The following C1QTNF9B variants were observed in gnomAD, a reference collection of about 807,000 sequenced individuals.
The protein encoded by C1QTNF9B is C1q and TNF related 9B, also known as complement C1q and tumor necrosis factor-related protein 9B.
C1QTNF9B carries 9 observed loss-of-function variants against 10.1 expected under a neutral mutation model. That is an observed-to-expected ratio of 0.89 (90% confidence interval 0.53 to 1.55). The LOEUF (loss-of-function observed/expected upper bound fraction) is 1.55. Ranked by LOEUF, C1QTNF9B falls within the 40% of genes most tolerant of loss-of-function variation. The pLI is 0.00. For missense variants in C1QTNF9B, 196 were observed against 414.4 expected (o/e 0.47, Z 4.58); for synonymous variants, 79 against 159.9 (o/e 0.49, Z 3.82).
At chr13:23,891,941 T>G in exon 3 of C1QTNF9B, 1 of 1,614,004 alleles carries the variant, frequency 6.2e-7, no homozygotes, top group South Asian at 1.1e-5. Context: ...AGGCCCAGTC[T>G]CTCCTCGGAG....
chr13:23,896,843 C>T (rs540615539), exon 1 of C1QTNF9B: 85 of 1,613,078 alleles, frequency 5.3e-5, no homozygotes, highest in Admixed American at 4.2e-4. Flanking sequence ...TGTCACCCTT[C>T]GCTCCGTCTC....
chr13:23,892,583 A>G (rs544570730), intron 2 of C1QTNF9B, among the ~76,000 whole-genome samples: 1 of 152,300 alleles, frequency 6.6e-6, no homozygotes, highest in South Asian at 2.1e-4. Flanking sequence ...TGAGCCCAGG[A>G]GGCTGAGGCT....
chr13:23,896,227 T>G (rs563419963), intron 1 of C1QTNF9B, among the ~76,000 whole-genome samples: 2 of 152,290 alleles, frequency 1.3e-5, no homozygotes, highest in African/African-American at 4.8e-5. Flanking sequence ...TTGGTTGTTG[T>G]TATGGAAAGC....
chr13:23,895,412 G>C (rs1010480390), intron 1 of C1QTNF9B, among the ~76,000 whole-genome samples: 5 of 152,058 alleles, frequency 3.3e-5, no homozygotes, highest in African/African-American at 1.2e-4. Context: ...AAGATGGTAA[G>C]ATAAAAATGA....
At chr13:23,897,360 A>C, upstream of C1QTNF9B, 1 of 312,694 alleles carries the variant, frequency 3.2e-6, no homozygotes, top group Non-Finnish European at 5.9e-6. Flanking sequence ...TAAAAATCAA[A>C]TTTTATCACA....
At chr13:23,897,361 T>C, upstream of C1QTNF9B, 1 of 310,750 alleles carries the variant, frequency 3.2e-6, no homozygotes, top group Non-Finnish European at 5.9e-6. Context: ...AAAAATCAAA[T>C]TTTATCACAA....
intron 1 of C1QTNF9B, among the ~76,000 whole-genome samples, chr13:23,896,383 A>G (rs886902697): frequency 1.3e-4 from 20 of 152,206 alleles, no homozygotes; most frequent in African/African-American, 4.3e-4. Context: ...ATGACATGAT[A>G]TGGTATTAGC....
At chr13:23,896,997 A>G in exon 1 of C1QTNF9B, 1 of 1,613,870 alleles carries the variant, frequency 6.2e-7, no homozygotes, top group Non-Finnish European at 8.5e-7. Flanking sequence ...GGTTCAGATG[A>G]CAGACTGAAC....
chr13:23,894,049 A>G, intron 2 of C1QTNF9B, 90 bp downstream of exon 4: 1 of 1,396,500 alleles, frequency 7.2e-7, no homozygotes, highest in Non-Finnish European at 1.0e-6. Flanking sequence ...TTATTATAAG[A>G]TTATAATCAG....
chr13:23,891,378 C>G lies in C1QTNF9B; in HGVS notation c.913G>C (p.Val305Leu), dbSNP rs147263585. Residue 305 changes from valine (V) to leucine (L), a missense_variant, in exon 3 of 3, where the codon GTG (valine) becomes CTG (leucine). Physicochemically the swap from Val to Leu is conservative, Grantham distance 32 (BLOSUM62 1). Coordinates refer to ENST00000382137, the Ensembl canonical transcript of C1QTNF9B. ...CCATTGAACCTCTCTCCTCCTGTCA[C>G]CTGCAGCCACATCTCATCCCCGAGC... 1.9e-6 allele frequency: 3 copies of G among 1,581,306 alleles called. No individual in the cohort carries two copies. In the Admixed American group the frequency reaches 5.1e-5, roughly 27 times the overall value.
Position 23,896,908 on chromosome 13 carries a change from G to A in C1QTNF9B, c.79C>T (p.His27Tyr), listed in dbSNP as rs757760264. The change falls in exon 1 of 3, where the codon CAC becomes TAC. Residue 27 changes from histidine to tyrosine, a missense_variant. Transcript: ENST00000382137. ...CCGGGGTTCCCAGGGATTCCAGGGT[G>A]CCCTTGCCTGCAGGTGTCCTGTGAG... 1.4e-5 allele frequency: 22 copies of A among 1,613,942 alleles called. No homozygotes were observed. In the African/African-American group the frequency reaches 1.9e-4, roughly 14 times the overall value.
exon 1 of C1QTNF9B, chr13:23,896,869 G>T (rs1167702328): frequency 1.2e-6 from 2 of 1,613,982 alleles, no homozygotes; most frequent in Non-Finnish European, 8.5e-7. Flanking sequence ...TCTCTTCCAG[G>T]CAGACCATTG....
intron 2 of C1QTNF9B, among the ~76,000 whole-genome samples, 189 bp downstream of exon 4, chr13:23,893,950 G>A (rs1009576050): frequency 9.2e-5 from 14 of 152,154 alleles, no homozygotes; most frequent in African/African-American, 3.4e-4. Flanking sequence ...GATCTGTGTG[G>A]AGTTGAGAAT....
chr13:23,897,308 C>T (rs1375491674), upstream of C1QTNF9B: 3 of 433,830 alleles, frequency 6.9e-6, no homozygotes, highest in Non-Finnish European at 1.2e-5. Context: ...AATCACTTCT[C>T]TTAACCACAG....
At chr13:23,892,109 T>C (rs775070574) in intron 2 of C1QTNF9B, 48 bp from the exon 5 acceptor site, 1 of 1,605,258 alleles carries the variant, frequency 6.2e-7, no homozygotes, top group Non-Finnish European at 8.5e-7. Flanking sequence ...AAAGATTCCC[T>C]TGTGAACAAC....
intron 2 of C1QTNF9B, among the ~76,000 whole-genome samples, chr13:23,892,725 C>G (rs1872057568): frequency 6.6e-6 from 1 of 152,128 alleles, no homozygotes; most frequent in Non-Finnish European, 1.5e-5. Context: ...ACACACATCC[C>G]AACACACCTT....
At position 23,896,904 on chromosome 13, in the gene C1QTNF9B, G is replaced by C. The variant is rs562640566; in HGVS notation, c.83C>G (p.Pro28Arg). The C allele has an allele frequency of 9.3e-6, 15 of 1,614,084 alleles. No individual in the cohort carries two copies. The East Asian group carries it at 3.1e-4, about 34-fold the overall frequency. The change falls in exon 1 of 3, where the codon CCT (proline) becomes CGT (arginine). Residue 28 changes from proline (P) to arginine (R), a missense_variant. Physicochemically the swap from Pro to Arg is moderately radical, Grantham distance 103. Around this residue, in one of 5 missense-constraint regions of C1QTNF9B, gnomAD observed 46 missense variants for 64.5 expected, o/e 0.71. Coordinates refer to ENST00000382137, the Ensembl canonical transcript of C1QTNF9B. ...GTGACCGGGGTTCCCAGGGATTCCA[G>C]GGTGCCCTTGCCTGCAGGTGTCCTG...
intron 1 of C1QTNF9B, among the ~76,000 whole-genome samples, 192 bp downstream of exon 3, chr13:23,896,629 G>A (rs1185686331): frequency 1.3e-5 from 2 of 152,182 alleles, no homozygotes; most frequent in Non-Finnish European, 2.9e-5. Flanking sequence ...GTCTGGCATG[G>A]AGCAGACCCC....
At chr13:23,895,207 C>T (rs917177248) in intron 1 of C1QTNF9B, among the ~76,000 whole-genome samples, 5 of 151,956 alleles carry the variant, frequency 3.3e-5, no homozygotes, top group Non-Finnish European at 7.4e-5. Flanking sequence ...CTCCTTCCCT[C>T]TTTTTGTTCC....
Sources: gnomAD v4.1 joint callset for allele counts (sites outside exome capture counted in the v4.1 genomes callset) on GRCh38, gnomAD v4.1.1 for gene constraint, gnomAD v4.1.1 regional missense constraint, MANE v1.5 for transcripts, NCBI Gene and HGNC (gene_info 2026-07-23, HGNC 2026-07-21) for gene names.